SSTR2: variants seen among roughly 807,000 people sequenced by gnomAD.
The protein encoded by SSTR2 is somatostatin receptor 2.
SSTR2 carries 10 observed loss-of-function variants against 21.4 expected under a neutral mutation model. That is an observed-to-expected ratio of 0.47 (90% CI 0.29 to 0.79). SSTR2 has a LOEUF of 0.79. SSTR2 is among the 30% of genes least tolerant of loss of function. The probability of loss-of-function intolerance (pLI) is 0.10; values close to 1 mark genes in which losing one functional copy is unlikely to be tolerated. For missense variants in SSTR2, 364 were observed against 468.8 expected, an observed-to-expected ratio of 0.78 and a Z score of 2.06; for synonymous variants, 177 against 181.3, an observed-to-expected ratio of 0.98 and a Z score of 0.19.
At chr17:73,166,380 C>G (rs2061216375) in intron 1 of SSTR2, among the ~76,000 whole-genome samples, 1 of 148,070 alleles carries the variant, frequency 6.8e-6, no homozygotes, top group Non-Finnish European at 1.5e-5. Flanking sequence ...AGGACCTCCC[C>G]TGATGTCGGG....
In SSTR2 at chr17:73,169,153, A is replaced by G. The variant is rs998571; in HGVS notation, c.-92-75A>G. ...TTTAAGAGTATGTCTGAGAGGCTAA[A>G]CCAGAAATGTGTAAATTTGGTGAGA... On this transcript the variant is annotated intron_variant, in intron 1 of 1. Transcript: ENST00000357585. The surrounding 1 kb of genome is among the most constrained non-coding windows in gnomAD (Gnocchi z 5.2). 0.31 allele frequency: 238,926 copies of G among 759,488 alleles called. 39,455 individuals carry two copies. Among genetic ancestry groups the G allele is most frequent in the Non-Finnish European group, 0.34 (164,454 of 484,358 alleles). The allele number at this position is 759,488 out of a possible 1,614,324, so 47.0% of individuals were successfully genotyped here.
At position 73,165,058 on chromosome 17, in the gene SSTR2, G is replaced by C. The variant is rs1180532996; in HGVS notation, c.-323G>C. 3.3e-5 allele frequency: 5 copies of C among 152,250 alleles called. No homozygotes were observed. Among genetic ancestry groups the C allele is most frequent in the African/African-American group, 1.2e-4 (5 of 41,466 alleles). The allele number at this position is 152,250 out of a possible 1,614,324, so 9.4% of individuals were successfully genotyped here. A position where few individuals can be genotyped will look rare whatever the true frequency, so the allele number is the denominator to read the frequency against. On this transcript the variant is annotated 5_prime_UTR_variant, in exon 1 of 2. Transcript: ENST00000357585. The stretch of plus-strand genomic sequence containing the variant: ...TGCGCGCGCGCTCGCAAGACCACCA[G>C]CGCCCAGAGCCCCAGTCTGAGGCTT...
rs539300720 is a variant in SSTR2, at chr17:73,172,691, C to T, written c.*2262C>T. On this transcript the variant is annotated 3_prime_UTR_variant, in exon 2 of 2. Transcript: ENST00000357585. ...ACACCATTAGTAAAAGTAAGGTCAA[C>T]TGTAAGTTCAGCTCAGGGCTTCCTA... 1.3e-4 allele frequency: 20 copies of T among 152,158 alleles called. No homozygotes were observed. The highest frequency in any genetic ancestry group is 4.6e-4 in the African/African-American group (19 of 41,542). The allele number at this position is 152,158 out of a possible 1,614,324, so 9.4% of individuals were successfully genotyped here. A position where few individuals can be genotyped will look rare whatever the true frequency, so the allele number is the denominator to read the frequency against.
Position 73,170,737 on chromosome 17 carries a change from T to C in SSTR2, c.*308T>C. ...ACAAAAATAGAAAAAAATAAGTATC[T>C]GTGTGTTTGTGTATTGAAAACTCAA... is the stretch of plus-strand genomic sequence containing the variant. On this transcript the variant is annotated 3_prime_UTR_variant, in exon 2 of 2. Transcript: ENST00000357585. 1 of 523,904 alleles carries C rather than the reference T, an allele frequency of 1.9e-6. No individual in the cohort carries two copies. The highest frequency in any genetic ancestry group is 3.7e-6 in the Non-Finnish European group (1 of 272,328). The allele number at this position is 523,904 out of a possible 1,614,324, so 32.5% of individuals were successfully genotyped here.
In SSTR2 at chr17:73,175,319, G is replaced by A. The variant is rs533726734; in HGVS notation, c.*4890G>A. The A allele has an allele frequency of 2.2e-5, 3 of 133,476 alleles. No homozygotes were observed. Among genetic ancestry groups the A allele is most frequent in the Admixed American group, 8.0e-5 (1 of 12,426 alleles). The allele number at this position is 133,476 out of a possible 1,614,324, so 8.3% of individuals were successfully genotyped here. A position where few individuals can be genotyped will look rare whatever the true frequency, so the allele number is the denominator to read the frequency against. On this transcript the variant is annotated 3_prime_UTR_variant, in exon 2 of 2. Transcript: ENST00000357585. The stretch of plus-strand genomic sequence containing the variant: ...ATTTTTTTTTTTTTTTTTTGAGACA[G>A]AGTTTCGCTTTTTCACCCAGGCTGG...
At chr17:73,167,319 T>C (rs997079280) in intron 1 of SSTR2, among the ~76,000 whole-genome samples, 1 of 152,134 alleles carries the variant, frequency 6.6e-6, no homozygotes, top group African/African-American at 2.4e-5. Flanking sequence ...CAGACAGTTG[T>C]GTGGTAGGGA....
At chr17:73,166,438 GT>G (rs1478992816) in intron 1 of SSTR2, among the ~76,000 whole-genome samples, 1 of 140,696 alleles carries the variant, frequency 7.1e-6, no homozygotes, top group African/African-American at 2.8e-5. Flanking sequence ...CAGCCCCTAT[GT>G]AAAAGGGGGG....
At position 73,166,237 on chromosome 17, in the gene SSTR2, C is replaced by T. The variant is rs943045318; in HGVS notation, c.-93+949C>T. 3.9e-5 allele frequency among the ~76,000 whole-genome samples: 6 copies of T among 152,268 alleles called. No individual in the cohort carries two copies. In the East Asian group the frequency reaches 5.8e-4, roughly 15 times the overall value. On this transcript the variant is annotated intron_variant, in intron 1 of 1. Transcript: ENST00000357585. Reference sequence around the variant, plus strand: ...GTGGCCCTCAGGGGCTTTTGTCACCCTGCCAGTGGGGGCTCTCGCTCTAGC... The same window carrying T: ...GTGGCCCTCAGGGGCTTTTGTCACCTTGCCAGTGGGGGCTCTCGCTCTAGC...
rs1426981968 is a variant in SSTR2 at position 73,170,384 on chromosome 17, G to T, written c.1065G>T (p.Glu355Asp). 1.2e-5 allele frequency: 19 copies of T among 1,613,834 alleles called. No homozygotes were observed. The highest frequency in any genetic ancestry group is 1.6e-5 in the Non-Finnish European group (19 of 1,180,004). ...QDKSRLNETT[E>D]TQRTLLNGDL... ...AATCCCGGCTGAATGAGACCACGGA[G>T]ACCCAGAGGACCCTCCTCAATGGAG... is the stretch of plus-strand genomic sequence containing the variant. The change falls in exon 2 of 2, where the codon GAG becomes GAT. Residue 355 changes from glutamate to aspartate, a missense_variant. Physicochemically the swap from Glu to Asp is conservative, Grantham distance 45. Coordinates refer to ENST00000357585, the MANE Select transcript of SSTR2 (RefSeq NM_001050.3).
chr17:73,169,652 C>G lies in SSTR2; in HGVS notation c.333C>G (p.Gly111=), dbSNP rs1209991945. Residue 111 remains glycine (G), a synonymous_variant, in exon 2 of 2, where the codon GGC becomes GGG. Transcript: ENST00000357585. This position sits in a 1 kb window ranked among gnomAD's most constrained non-coding sequence, Gnocchi z 5.2. ...TGGCTCTGGTCCACTGGCCCTTTGG[C>G]AAGGCCATTTGCCGGGTGGTCATGA... ...MQVALVHWPF[G]KAICRVVMTV... The G allele has an allele frequency of 6.2e-7, 1 of 1,614,258 alleles. No individual in the cohort carries two copies. Among genetic ancestry groups the G allele is most frequent in the East Asian group, 2.2e-5 (1 of 44,888 alleles).
rs2061230305 is a variant in SSTR2, at chr17:73,170,328, G to C, written c.1009G>C (p.Asp337His). Residue 337 changes from aspartate to histidine, a missense_variant, in exon 2 of 2, where the codon GAT (aspartate) becomes CAT (histidine). This residue lies in a region of SSTR2 where 71 missense variants were observed against 53.8 expected (regional missense o/e 1.32). Transcript: ENST00000357585. Reference protein sequence around the residue: ...LCLVKVSGTDDGERSDSKQDK... With the variant: ...LCLVKVSGTDHGERSDSKQDK... ...CTTGGTCAAGGTGAGCGGCACAGAT[G>C]ATGGGGAGCGGAGTGACAGTAAGCA... is the stretch of plus-strand genomic sequence containing the variant. The C allele has an allele frequency of 6.2e-7, 1 of 1,614,014 alleles. No homozygotes were observed. Among genetic ancestry groups the C allele is most frequent in the African/African-American group, 1.3e-5 (1 of 74,964 alleles).
chr17:73,170,264 G>T lies in SSTR2; in HGVS notation c.945G>T (p.Leu315Phe). 2 of 1,614,010 alleles carry T rather than the reference G, an allele frequency of 1.2e-6. No individual in the cohort carries two copies. Among genetic ancestry groups the T allele is most frequent in the Non-Finnish European group, 1.7e-6 (2 of 1,180,020 alleles). Residue 315 changes from leucine (L) to phenylalanine (F), a missense_variant, in exon 2 of 2, where the codon TTG becomes TTT. This residue lies in a region of SSTR2 where 193 missense variants were observed against 273.1 expected (regional missense o/e 0.71). Transcript: ENST00000357585. ...SCANPILYAF[L>F]SDNFKKSFQN... ...CCAACCCTATCCTATATGCCTTCTT[G>T]TCTGACAACTTCAAGAAGAGCTTCC...
At position 73,170,193 on chromosome 17, in the gene SSTR2, G is replaced by A. The variant is rs562871663; in HGVS notation, c.874G>A (p.Gly292Ser). The change falls in exon 2 of 2, where the codon GGC becomes AGC. Residue 292 changes from glycine (G) to serine (S), a missense_variant. By Grantham distance (56) the Gly-to-Ser change is moderately conservative. Around this residue, in one of 4 missense-constraint regions of SSTR2, gnomAD observed 193 missense variants for 273.1 expected, o/e 0.71. Coordinates refer to ENST00000357585, the MANE Select transcript of SSTR2 (RefSeq NM_001050.3). ...CATCAGCCCCACCCCAGCCCTTAAAGGCATGTTTGACTTTGTGGTGGTCCT... is the reference window on the plus strand; with the variant it reads ...CATCAGCCCCACCCCAGCCCTTAAAAGCATGTTTGACTTTGTGGTGGTCCT... ...MAISPTPALK[G>S]MFDFVVVLTY... 2 of 1,614,104 alleles carry A rather than the reference G, an allele frequency of 1.2e-6. No homozygotes were observed. The highest frequency in any genetic ancestry group is 1.7e-6 in the Non-Finnish European group (2 of 1,180,024).
chr17:73,174,821 G>A lies in SSTR2; in HGVS notation c.*4392G>A, dbSNP rs1341934904. ...AGTGTTTTATAGACCCTGGGGAAAA[G>A]AATTTTCAGCAAAGTACAAAAATTT... On this transcript the variant is annotated 3_prime_UTR_variant, in exon 2 of 2. Transcript: ENST00000357585. 1 of 153,588 alleles carries A rather than the reference G, an allele frequency of 6.5e-6. No individual in the cohort carries two copies. The highest frequency in any genetic ancestry group is 1.5e-5 in the Non-Finnish European group (1 of 68,026). The allele number at this position is 153,588 out of a possible 1,614,324, so 9.5% of individuals were successfully genotyped here. A position where few individuals can be genotyped will look rare whatever the true frequency, so the allele number is the denominator to read the frequency against.
Position 73,170,614 on chromosome 17 carries a change from A to C in SSTR2, c.*185A>C. On this transcript the variant is annotated 3_prime_UTR_variant, in exon 2 of 2. Coordinates refer to ENST00000357585, the MANE Select transcript of SSTR2 (RefSeq NM_001050.3). ...TGTCTGATTGAATGATAATGTGCTA[A>C]ATTGATTACCTCCCCCTTAAAGCGA... is the stretch of plus-strand genomic sequence containing the variant. 1.3e-6 allele frequency: 1 copy of C among 792,214 alleles called. No homozygotes were observed. The highest frequency in any genetic ancestry group is 1.5e-5 in the South Asian group (1 of 68,280). 49.1% of individuals were successfully genotyped at this position (792,214 alleles called of 1,614,324 possible).
Position 73,169,903 on chromosome 17 carries a change from T to C in SSTR2, c.584T>C (p.Ile195Thr). 6.2e-7 allele frequency: 1 copy of C among 1,610,118 alleles called. No individual in the cohort carries two copies. Among genetic ancestry groups the C allele is most frequent in the African/African-American group, 1.3e-5 (1 of 74,944 alleles). ...SNQWGRSSCTINWPGESGAWY... is the reference protein window; with the variant it reads ...SNQWGRSSCTTNWPGESGAWY... Reference sequence around the variant, plus strand: ...CAGTGGGGGAGAAGCAGCTGCACCATCAACTGGCCAGGTGAATCTGGGGCT... The same window carrying C: ...CAGTGGGGGAGAAGCAGCTGCACCACCAACTGGCCAGGTGAATCTGGGGCT... Residue 195 changes from isoleucine (I) to threonine (T), a missense_variant, in exon 2 of 2, where the codon ATC becomes ACC. Transcript: ENST00000357585. The surrounding 1 kb of genome is among the most constrained non-coding windows in gnomAD (Gnocchi z 5.2).
At position 73,171,612 on chromosome 17, in the gene SSTR2, C is replaced by T. The variant is rs2061235247; in HGVS notation, c.*1183C>T. On this transcript the variant is annotated 3_prime_UTR_variant, in exon 2 of 2. Coordinates refer to ENST00000357585, the MANE Select transcript of SSTR2 (RefSeq NM_001050.3). ...GGACTTTAGAGGACTTCATACAAAG[C>T]TGGGCATTAAGAAAACCACAATGCA... 1 of 166,770 alleles carries T rather than the reference C, an allele frequency of 6.0e-6. No individual in the cohort carries two copies. Among genetic ancestry groups the T allele is most frequent in the Non-Finnish European group, 1.5e-5 (1 of 68,090 alleles). 10.3% of individuals were successfully genotyped at this position (166,770 alleles called of 1,614,324 possible).
chr17:73,166,538 C>T (rs1257283568), intron 1 of SSTR2, among the ~76,000 whole-genome samples: 1 of 152,138 alleles, frequency 6.6e-6, no homozygotes, highest in Non-Finnish European at 1.5e-5. Context: ...TAGCCATTTC[C>T]AGCATCTAAC....
chr17:73,168,965 G>A (rs2061224858), intron 1 of SSTR2, among the ~76,000 whole-genome samples: 1 of 152,178 alleles, frequency 6.6e-6, no homozygotes, highest in Non-Finnish European at 1.5e-5. Flanking sequence ...AGGGGTCAAA[G>A]TATGTGCTTT....
Sources: gnomAD v4.1 joint callset for allele counts (sites outside exome capture counted in the v4.1 genomes callset) on GRCh38, gnomAD v4.1.1 for gene constraint, gnomAD v4.1.1 regional missense constraint, Gnocchi (gnomAD v3.1) non-coding constraint, MANE v1.5 for transcripts, NCBI Gene and HGNC (gene_info 2026-07-23, HGNC 2026-07-21) for gene names.